C5: variants seen among roughly 807,000 people sequenced by gnomAD.
C5 encodes C3 and PZP-like alpha-2-macroglobulin domain-containing protein 4.
In C5, 140 loss-of-function variants were observed where a neutral mutation model predicts 218.8. The observed-to-expected ratio is 0.64, with a 90% CI of 0.56 to 0.74. The LOEUF is 0.74. Among genes scored for constraint, C5 ranks in the 30% least tolerant of loss-of-function variants. C5 has a pLI of 0.00. For synonymous variants in C5, 614 were observed against 682.3 expected, an observed-to-expected ratio of 0.90 and a Z score of 1.56; for missense variants, 1,700 against 1,969.6, an observed-to-expected ratio of 0.86 and a Z score of 2.59.
chr9:121,052,082 A>G (rs760495520), upstream of C5, among the ~76,000 whole-genome samples: 2 of 152,220 alleles, frequency 1.3e-5, no homozygotes, highest in Non-Finnish European at 2.9e-5. Flanking sequence ...GATTCTCAAC[A>G]GAACTGAAGT....
Position 120,963,650 on chromosome 9 carries a change from C to G in C5, c.4309G>C (p.Glu1437Gln). The stretch of plus-strand genomic sequence containing the variant: ...AAAACACATACGGCTTTTAAGTCTT[C>G]TTCATTTGCACTGATTCCAGTAGGC... ...SLPTGISANE[E>Q]DLKALVEGVD... The change falls in exon 34 of 41, where the codon GAA (glutamate) becomes CAA (glutamine). Residue 1437 changes from glutamate (E) to glutamine (Q), a missense_variant. By Grantham distance (29) the Glu-to-Gln change is conservative. Transcript: ENST00000223642. 6.2e-7 allele frequency: 1 copy of G among 1,612,168 alleles called. No individual in the cohort carries two copies. The highest frequency in any genetic ancestry group is 8.5e-7 in the Non-Finnish European group (1 of 1,178,322).
intron 17 of C5, among the ~76,000 whole-genome samples, chr9:121,011,551 T>C (rs1271269826): frequency 6.6e-6 from 1 of 152,172 alleles, no homozygotes; most frequent in Non-Finnish European, 1.5e-5. Flanking sequence ...CTATACACTA[T>C]GGAGAACAGT....
the C5 span, among the ~76,000 whole-genome samples, chr9:121,070,124 G>A: frequency 1.3e-5 from 2 of 151,896 alleles, no homozygotes; most frequent in Non-Finnish European, 2.9e-5. Flanking sequence ...TTGAGAGGCC[G>A]AGGCAGGTGG....
At chr9:120,955,975 T>C (rs568433785) in intron 39 of C5, among the ~76,000 whole-genome samples, 172 of 152,302 alleles carry the variant, frequency 1.1e-3, no homozygotes, top group Non-Finnish European at 1.9e-3. Flanking sequence ...TTTAGCTTTA[T>C]GGTCCTACTT....
chr9:121,040,079 A>G (rs1309890219), intron 3 of C5, among the ~76,000 whole-genome samples: 2 of 152,236 alleles, frequency 1.3e-5, no homozygotes, highest in Non-Finnish European at 2.9e-5. Context: ...GAAGTGCCAC[A>G]AAGGATATTT....
At chr9:121,006,612 G>A (rs1564148526) in intron 19 of C5, among the ~76,000 whole-genome samples, 1 of 152,074 alleles carries the variant, frequency 6.6e-6, no homozygotes, top group Non-Finnish European at 1.5e-5. Flanking sequence ...GAAGGTGGAG[G>A]TGGGAAGGTT....
At chr9:121,045,010 C>T (rs1346173991) in intron 2 of C5, among the ~76,000 whole-genome samples, 6 of 141,940 alleles carry the variant, frequency 4.2e-5, no homozygotes, top group Admixed American at 7.4e-5. Flanking sequence ...AGTGCAGTGG[C>T]GCGATCTTGG....
chr9:121,002,222 A>ATT (rs71370612), intron 20 of C5, among the ~76,000 whole-genome samples: 1 of 85,298 alleles, frequency 1.2e-5, no homozygotes, highest in Non-Finnish European at 2.8e-5. Context: ...ATACGTATAT[A>ATT]TATATATGTA....
intron 20 of C5, among the ~76,000 whole-genome samples, chr9:121,002,374 T>C (rs1032481539): frequency 1.4e-5 from 2 of 145,806 alleles, no homozygotes; most frequent in Non-Finnish European, 1.5e-5. Flanking sequence ...ATTTTATATG[T>C]CTAAGACTAG....
chr9:120,988,670 C>T (rs1373618208), intron 25 of C5, among the ~76,000 whole-genome samples: 1 of 152,142 alleles, frequency 6.6e-6, no homozygotes, highest in Admixed American at 6.5e-5. Context: ...AGATGGGAAG[C>T]TCCTAAATGG....
chr9:121,058,402 G>A, the C5 span, among the ~76,000 whole-genome samples: 3 of 152,084 alleles, frequency 2.0e-5, no homozygotes, highest in African/African-American at 7.2e-5. Flanking sequence ...CCTTCTCTTT[G>A]ACACCTTCTC....
chr9:120,960,743 A>T (rs2046821247), intron 37 of C5, among the ~76,000 whole-genome samples: 1 of 152,222 alleles, frequency 6.6e-6, no homozygotes. Flanking sequence ...TCTTCTTCCA[A>T]TGTGGCCCAC....
chr9:120,994,901 A>C (rs2131720192), intron 22 of C5, among the ~76,000 whole-genome samples: 1 of 149,822 alleles, frequency 6.7e-6, no homozygotes, highest in East Asian at 2.0e-4. Flanking sequence ...CAATAATGTC[A>C]GCAGAAGAAG....
intron 20 of C5, among the ~76,000 whole-genome samples, chr9:121,000,509 T>C (rs115795440): frequency 0.015 from 2,343 of 152,210 alleles, 51 homozygotes; most frequent in African/African-American, 0.054. Flanking sequence ...ATTCAATATA[T>C]ATGGGGGCAA....
chr9:120,987,513 C>G (rs1179045133), intron 25 of C5, among the ~76,000 whole-genome samples: 1 of 151,320 alleles, frequency 6.6e-6, no homozygotes, highest in Non-Finnish European at 1.5e-5. Context: ...GTGGTGCGCG[C>G]CTGTAATCCC....
chr9:120,969,107 T>C lies in C5; in HGVS notation c.4174A>G (p.Arg1392Gly). Residue 1392 changes from arginine (R) to glycine (G), a missense_variant, in exon 33 of 41, where the codon AGA becomes GGA. By Grantham distance (125) the Arg-to-Gly change is moderately radical. Transcript: ENST00000223642. ...TTGTAATCAGAGTTTCCGTAGCCTC[T>C]GTAGTGGGATGCTGGCACATAAGAC... ...DTQDIEASHY[R>G]GYGNSDYKRI... The C allele has an allele frequency of 6.2e-7, 1 of 1,613,886 alleles. No individual in the cohort carries two copies. Among genetic ancestry groups the C allele is most frequent in the South Asian group, 1.1e-5 (1 of 91,076 alleles).
chr9:120,960,945 C>T (rs933734190), intron 37 of C5, among the ~76,000 whole-genome samples: 10 of 152,118 alleles, frequency 6.6e-5, no homozygotes, highest in African/African-American at 2.4e-4. Flanking sequence ...TAAAATGGCA[C>T]AATAAGTACC....
chr9:120,980,040 C>T, intron 28 of C5, 43 bp downstream of exon 28: 1 of 1,572,150 alleles, frequency 6.4e-7, no homozygotes, highest in Non-Finnish European at 8.8e-7. Context: ...GACTTTATGT[C>T]TTAGTGAACA....
chr9:121,021,486 T>C (rs577791066), intron 11 of C5, 23 bp downstream of exon 11: 4 of 1,596,610 alleles, frequency 2.5e-6, no homozygotes, highest in Non-Finnish European at 3.4e-6. Flanking sequence ...TCCTAGAAAA[T>C]ACAACAGGAG....
Sources: gnomAD v4.1 joint callset for allele counts (sites outside exome capture counted in the v4.1 genomes callset) on GRCh38, gnomAD v4.1.1 for gene constraint, MANE v1.5 for transcripts, NCBI Gene and HGNC (gene_info 2026-07-23, HGNC 2026-07-21) for gene names.